Variants in ULK4 observed in about 807,000 individuals in gnomAD.
ULK4 encodes the protein inactive serine/threonine-protein kinase ULK4.
In ULK4, 133 loss-of-function variants were observed where a neutral mutation model predicts 160.6. The observed-to-expected ratio is 0.83, with a 90% CI of 0.72 to 0.96. ULK4 has a LOEUF of 0.96. ULK4 is among the 40% of genes least tolerant of loss of function. The pLI is 0.00. For missense variants in ULK4, 1,580 were observed against 1,499.5 expected, an observed-to-expected ratio of 1.05 and a Z score of -0.89; for synonymous variants, 534 against 539.8, an observed-to-expected ratio of 0.99 and a Z score of 0.15.
At chr3:41,846,325 A>T (rs914634459) in intron 17 of ULK4, among the ~76,000 whole-genome samples, 2 of 152,224 alleles carry the variant, frequency 1.3e-5, no homozygotes, top group South Asian at 2.1e-4. Context: ...CCAAGGGTAA[A>T]AAATGTATCT....
intron 4 of ULK4, among the ~76,000 whole-genome samples, chr3:41,932,627 G>C (rs1699638078): frequency 6.6e-6 from 1 of 152,218 alleles, no homozygotes; most frequent in Admixed American, 6.5e-5. Flanking sequence ...AATATAATTT[G>C]TGATTAGAAT....
intron 32 of ULK4, among the ~76,000 whole-genome samples, chr3:41,552,688 A>G (rs533481925): frequency 8.6e-5 from 13 of 151,990 alleles, no homozygotes; most frequent in Non-Finnish European, 1.9e-4. Context: ...ATATTGAGTC[A>G]TAGCAATTCC....
intron 30 of ULK4, among the ~76,000 whole-genome samples, chr3:41,655,162 TA>T (rs2034884507): frequency 2.0e-5 from 3 of 151,680 alleles, no homozygotes; most frequent in South Asian, 2.1e-4. Context: ...AAAAATCGTT[TA>T]AATTATCTAG....
intron 30 of ULK4, among the ~76,000 whole-genome samples, chr3:41,626,248 T>C (rs941861789): frequency 6.6e-6 from 1 of 152,222 alleles, no homozygotes; most frequent in African/African-American, 2.4e-5. Flanking sequence ...TGTGCCTAAA[T>C]GTTACCCTTA....
chr3:41,611,746 T>C (rs2032687902), intron 31 of ULK4, among the ~76,000 whole-genome samples: 1 of 152,160 alleles, frequency 6.6e-6, no homozygotes, highest in South Asian at 2.1e-4. Flanking sequence ...GCACAGGCGT[T>C]CTAGACTTTT....
At chr3:41,856,530 T>A (rs1209166335) in intron 17 of ULK4, among the ~76,000 whole-genome samples, 1 of 122,920 alleles carries the variant, frequency 8.1e-6, no homozygotes, top group East Asian at 2.2e-4. Context: ...TATATATATA[T>A]ATGTATGTAT....
At chr3:41,925,385 T>C (rs780780339) in intron 5 of ULK4, among the ~76,000 whole-genome samples, 5 of 152,186 alleles carry the variant, frequency 3.3e-5, no homozygotes, top group Non-Finnish European at 7.3e-5. Flanking sequence ...ATACTGCATT[T>C]TTCCCACGGT....
intron 17 of ULK4, among the ~76,000 whole-genome samples, chr3:41,838,092 G>A (rs2041811127): frequency 6.6e-6 from 1 of 152,150 alleles, no homozygotes; most frequent in African/African-American, 2.4e-5. Flanking sequence ...GAAACTGCCA[G>A]TGTTTAGCAA....
chr3:41,556,857 A>AT (rs2087321604), intron 32 of ULK4, among the ~76,000 whole-genome samples: 1 of 152,174 alleles, frequency 6.6e-6, no homozygotes. Context: ...GGAAAAAAAA[A>AT]TTTTAATGAA....
chr3:41,908,500 C>T (rs973744135), intron 11 of ULK4, among the ~76,000 whole-genome samples: 2 of 152,020 alleles, frequency 1.3e-5, no homozygotes, highest in African/African-American at 4.8e-5. Flanking sequence ...GGCTAGAGTG[C>T]AGTGGCACGA....
chr3:41,622,384 A>G (rs920883581), intron 30 of ULK4, among the ~76,000 whole-genome samples: 1 of 152,224 alleles, frequency 6.6e-6, no homozygotes, highest in Non-Finnish European at 1.5e-5. Context: ...GATAAAGAAA[A>G]TGTGGCTCAT....
At chr3:41,525,866 T>C (rs1258739033) in intron 32 of ULK4, among the ~76,000 whole-genome samples, 4 of 152,218 alleles carry the variant, frequency 2.6e-5, no homozygotes, top group African/African-American at 4.8e-5. Context: ...ATCTCCGTCA[T>C]TGTCTCTATG....
At chr3:41,725,263 A>T (rs2037610568) in intron 22 of ULK4, among the ~76,000 whole-genome samples, 1 of 152,244 alleles carries the variant, frequency 6.6e-6, no homozygotes, top group South Asian at 2.1e-4. Context: ...AAAATCATAA[A>T]ATCTACCTGT....
chr3:41,543,023 A>C (rs1340318822), intron 32 of ULK4, among the ~76,000 whole-genome samples: 1 of 152,140 alleles, frequency 6.6e-6, no homozygotes, highest in Non-Finnish European at 1.5e-5. Context: ...TTCAGAGAGC[A>C]TAAAGAACAG....
chr3:41,547,551 C>T lies in ULK4; in HGVS notation c.3226+18474G>A, dbSNP rs137969284. 4.4e-3 allele frequency among the ~76,000 whole-genome samples: 675 copies of T among 152,246 alleles called. 8 individuals are homozygous for T. Among genetic ancestry groups the T allele is most frequent in the African/African-American group, 0.016 (647 of 41,534 alleles). ...GGGAGAGCTCCTTCACTCTTACAGGCCCTGAGACTAGTAGAGTGAGCTGCC... is the reference window on the plus strand; with the variant it reads ...GGGAGAGCTCCTTCACTCTTACAGGTCCTGAGACTAGTAGAGTGAGCTGCC... On this transcript the variant is annotated intron_variant, in intron 32 of 36. Coordinates refer to ENST00000301831, the MANE Select transcript of ULK4 (RefSeq NM_017886.4).
chr3:41,913,495 G>A (rs1161826524), intron 8 of ULK4, among the ~76,000 whole-genome samples: 1 of 152,174 alleles, frequency 6.6e-6, no homozygotes, highest in African/African-American at 2.4e-5. Flanking sequence ...AAAGTGCTGG[G>A]ATTACTGGCG....
intron 12 of ULK4, among the ~76,000 whole-genome samples, chr3:41,906,528 CA>C (rs1175217838): frequency 6.6e-6 from 1 of 150,858 alleles, no homozygotes; most frequent in African/African-American, 2.4e-5. Context: ...GACATTAACT[CA>C]AAAACAAAAA....
At chr3:41,686,462 T>G (rs1359808725) in intron 27 of ULK4, among the ~76,000 whole-genome samples, 1 of 151,720 alleles carries the variant, frequency 6.6e-6, no homozygotes, top group Admixed American at 6.5e-5. Flanking sequence ...GAGCCTCTAA[T>G]TTGATGACTT....
At chr3:41,254,997 T>C (rs939005106) in intron 35 of ULK4, among the ~76,000 whole-genome samples, 6 of 151,918 alleles carry the variant, frequency 3.9e-5, no homozygotes, top group African/African-American at 1.2e-4. Context: ...ATGTAGGCCC[T>C]AAAATATCAA....
Sources: gnomAD v4.1 joint callset for allele counts (sites outside exome capture counted in the v4.1 genomes callset) on GRCh38, gnomAD v4.1.1 for gene constraint, MANE v1.5 for transcripts, NCBI Gene and HGNC (gene_info 2026-07-23, HGNC 2026-07-21) for gene names.